PARP4: variants seen among roughly 807,000 people sequenced by gnomAD.
PARP4 encodes poly(ADP-ribose) polymerase family member 4.
A neutral mutation model predicts 187.7 loss-of-function variants in PARP4; 120 were observed. That is an observed-to-expected ratio of 0.64 (90% CI 0.55 to 0.74). The LOEUF (loss-of-function observed/expected upper bound fraction) is 0.74, where lower values mean the gene tolerates loss of function less well. Among genes scored for constraint, PARP4 ranks in the 30% least tolerant of loss-of-function variants. The pLI is 0.00. For synonymous variants in PARP4, 654 were observed against 740.9 expected, an observed-to-expected ratio of 0.88 and a Z score of 1.90; for missense variants, 1,836 against 2,070.5, an observed-to-expected ratio of 0.89 and a Z score of 2.20.
chr13:24,477,860 A>G lies in PARP4; in HGVS notation c.1633-3T>C. 1 of 1,554,412 alleles carries G rather than the reference A, an allele frequency of 6.4e-7. No individual in the cohort carries two copies. The highest frequency in any genetic ancestry group is 8.7e-7 in the Non-Finnish European group (1 of 1,151,946). On this transcript the variant is annotated splice_polypyrimidine_tract_variant and splice_region_variant and intron_variant, in intron 13 of 33. Coordinates refer to ENST00000381989, the MANE Select transcript of PARP4 (RefSeq NM_006437.4). ...TTATAGACAACAAATTCATCATCCT[A>G]GAGCAAACAGAAATCAGTAGGTGAT...
At chr13:24,474,055 G>A (rs9553312) in intron 15 of PARP4, among the ~76,000 whole-genome samples, 2 of 151,884 alleles carry the variant, frequency 1.3e-5, no homozygotes, top group Non-Finnish European at 2.9e-5. Flanking sequence ...CAAGACCTAC[G>A]TGGCCAAAGA....
Position 24,434,861 on chromosome 13 carries a change from C to T in PARP4, c.4280G>A (p.Gly1427Asp), listed in dbSNP as rs1870533620. The T allele has an allele frequency of 6.2e-7, 1 of 1,614,004 alleles. No individual in the cohort carries two copies. The highest frequency in any genetic ancestry group is 8.5e-7 in the Non-Finnish European group (1 of 1,179,998). Residue 1427 changes from glycine to aspartate, a missense_variant, in exon 31 of 34, where the codon GGC becomes GAC. This residue lies in a region of PARP4 where 450 missense variants were observed against 439.2 expected (regional missense o/e 1.02). Coordinates refer to ENST00000381989, the MANE Select transcript of PARP4 (RefSeq NM_006437.4). ...PGGFTTRPSA[G>D]TFPELDSPQL... ...GGGAGAATCCAGCTCAGGGAAGGTG[C>T]CAGCAGAAGGCCTGGTAGTAAAGCC...
rs749920810 is a variant in PARP4, at chr13:24,494,609, A to C, written c.705T>G (p.Pro235=). The C allele has an allele frequency of 1.2e-6, 2 of 1,611,358 alleles. No homozygotes were observed. The highest frequency in any genetic ancestry group is 4.5e-5 in the East Asian group (2 of 44,812). Residue 235 remains proline (P), a synonymous_variant, in exon 7 of 34, where the codon CCT becomes CCG. Coordinates refer to ENST00000381989, the MANE Select transcript of PARP4 (RefSeq NM_006437.4). The part of the protein sequence containing the change: ...QGFLLREHFT[P]EATQLASEQL... ...GTTCAGATGCTAATTGGGTTGCTTC[A>C]GGTGTGAAATGTTCTCTTAGTAGAA...
intron 1 of PARP4, among the ~76,000 whole-genome samples, chr13:24,506,308 G>A (rs1869669104): frequency 6.6e-6 from 1 of 152,220 alleles, no homozygotes. Context: ...GCAGACCTCC[G>A]CGATTTAAAG....
In PARP4 at chr13:24,420,989, T is replaced by A; in HGVS notation, c.*130A>T. The A allele has an allele frequency of 8.3e-7, 1 of 1,202,988 alleles. No individual in the cohort carries two copies. The highest frequency in any genetic ancestry group is 1.1e-6 in the Non-Finnish European group (1 of 918,854). The allele number at this position is 1,202,988 out of a possible 1,614,324, so 74.5% of individuals were successfully genotyped here. ...TTGATTAAAGTAATTCTTCTTCCACTTAATTTTTAAAGACAGTAATTGCTA... is the reference window on the plus strand; with the variant it reads ...TTGATTAAAGTAATTCTTCTTCCACATAATTTTTAAAGACAGTAATTGCTA... On this transcript the variant is annotated 3_prime_UTR_variant, in exon 34 of 34. Transcript: ENST00000381989.
chr13:24,490,743 C>T lies in PARP4; in HGVS notation c.1139G>A (p.Cys380Tyr), dbSNP rs1255434006. ...ATTCTGTTCAACATGCTCAATTTTG[C>T]ACCTCAAAGCTCGGTATTTGGCCAG... ...PSLAKYRALR[C>Y]KIEHVEQNTE... Residue 380 changes from cysteine (C) to tyrosine (Y), a missense_variant, in exon 10 of 34, where the codon TGC (cysteine) becomes TAC (tyrosine). By Grantham distance (194) the Cys-to-Tyr change is radical. Transcript: ENST00000381989. 3 of 1,614,000 alleles carry T rather than the reference C, an allele frequency of 1.9e-6. No homozygotes were observed. Among genetic ancestry groups the T allele is most frequent in the Admixed American group, 1.7e-5 (1 of 60,024 alleles).
chr13:24,505,893 T>C (rs1593660241), intron 1 of PARP4, among the ~76,000 whole-genome samples: 1 of 152,220 alleles, frequency 6.6e-6, no homozygotes, highest in African/African-American at 2.4e-5. Context: ...GCAGGTCAGG[T>C]TCTCTGCCGC....
At chr13:24,509,364 G>T (rs1297287495) in intron 1 of PARP4, among the ~76,000 whole-genome samples, 1 of 151,934 alleles carries the variant, frequency 6.6e-6, no homozygotes, top group African/African-American at 2.4e-5. Flanking sequence ...AAACTTAGCT[G>T]GGCAAGGTGG....
chr13:24,446,569 C>A (rs1409306170), intron 27 of PARP4, 112 bp downstream of exon 27: 1 of 717,152 alleles, frequency 1.4e-6, no homozygotes, highest in Admixed American at 2.8e-5. Context: ...GGGCTGCATT[C>A]AAAGCTGCCC....
intron 21 of PARP4, among the ~76,000 whole-genome samples, chr13:24,455,641 A>G (rs1215892991): frequency 1.6e-5 from 2 of 128,684 alleles, no homozygotes; most frequent in Non-Finnish European, 3.2e-5. Flanking sequence ...TTTTTGAGAC[A>G]GGGTCTCCCT....
intron 30 of PARP4, among the ~76,000 whole-genome samples, chr13:24,440,299 G>C (rs1294925818): frequency 1.3e-5 from 2 of 150,720 alleles, no homozygotes; most frequent in Non-Finnish European, 2.9e-5. Context: ...TCAGGAGACT[G>C]AGGAACGAGA....
chr13:24,467,282 T>C (rs1436140973), intron 17 of PARP4, among the ~76,000 whole-genome samples: 2 of 152,182 alleles, frequency 1.3e-5, no homozygotes, highest in Non-Finnish European at 2.9e-5. Flanking sequence ...ACTTCCACAC[T>C]TAAATATTGG....
At chr13:24,480,736 G>C (rs1434698398) in intron 12 of PARP4, among the ~76,000 whole-genome samples, 2 of 152,254 alleles carry the variant, frequency 1.3e-5, no homozygotes, top group African/African-American at 2.4e-5. Context: ...GAGAGGTGAG[G>C]AAACTGCAGA....
chr13:24,470,282 C>A (rs866997910), intron 15 of PARP4, among the ~76,000 whole-genome samples: 2 of 152,216 alleles, frequency 1.3e-5, no homozygotes, highest in Non-Finnish European at 2.9e-5. Context: ...CCAACACTGA[C>A]TTAGCAGACG....
intron 25 of PARP4, among the ~76,000 whole-genome samples, chr13:24,447,921 T>C (rs1318624826): frequency 6.6e-6 from 1 of 152,108 alleles, no homozygotes; most frequent in Non-Finnish European, 1.5e-5. Context: ...AAAAAACAAG[T>C]GGTGGCTGGG....
At chr13:24,429,562 C>G (rs1208353185) in intron 32 of PARP4, among the ~76,000 whole-genome samples, 1 of 152,170 alleles carries the variant, frequency 6.6e-6, no homozygotes, top group Non-Finnish European at 1.5e-5. Flanking sequence ...AGTCCTTGAT[C>G]ATGAGATATG....
chr13:24,474,462 G>A (rs1230856641), intron 15 of PARP4, among the ~76,000 whole-genome samples: 4 of 148,336 alleles, frequency 2.7e-5, no homozygotes, highest in African/African-American at 2.5e-5. Context: ...ACCCCTCCCC[G>A]GAGCAGCCCA....
rs775579401 is a variant in PARP4, at chr13:24,421,140, G to A, written c.5154C>T (p.Val1718=). Residue 1718 remains valine (V), a synonymous_variant, in exon 34 of 34, where the codon GTC becomes GTT. Coordinates refer to ENST00000381989, the MANE Select transcript of PARP4 (RefSeq NM_006437.4). Reference sequence around the variant, plus strand: ...TGACTTAGCCTTGACTGTAATGGAGGACTCTATGAAGAGGGGACACAGTGC... The same window carrying A: ...TGACTTAGCCTTGACTGTAATGGAGAACTCTATGAAGAGGGGACACAGTGC... ...PISTVSPLHR[V]LHYSQG is the part of the protein sequence containing the mutation. 220 of 1,463,886 alleles carry A rather than the reference G, an allele frequency of 1.5e-4. No individual in the cohort carries two copies. Among genetic ancestry groups the A allele is most frequent in the Non-Finnish European group, 2.0e-4 (218 of 1,098,158 alleles). The allele number at this position is 1,463,886 out of a possible 1,614,324, so 90.7% of individuals were successfully genotyped here.
At chr13:24,471,930 CAA>C (rs926569508) in intron 15 of PARP4, among the ~76,000 whole-genome samples, 3 of 152,136 alleles carry the variant, frequency 2.0e-5, no homozygotes, top group African/African-American at 7.2e-5. Flanking sequence ...GAAAACGAGG[CAA>C]AAGAGTTAAG....
Sources: allele counts gnomAD v4.1 joint callset (sites outside exome capture counted in the v4.1 genomes callset), GRCh38; gene constraint gnomAD v4.1.1; regional missense constraint gnomAD v4.1.1; transcripts MANE v1.5; gene names NCBI Gene and HGNC (gene_info 2026-07-23, HGNC 2026-07-21).